DENND6A: variants seen among roughly 807,000 people sequenced by gnomAD.
DENND6A encodes the protein protein DENND6A.
In DENND6A, 43 loss-of-function variants were observed where a neutral mutation model predicts 95.5. The ratio of observed to expected loss-of-function variants is 0.45; its 90% CI spans 0.35 to 0.58. DENND6A has a LOEUF of 0.58. Among genes scored for constraint, DENND6A ranks in the 20% least tolerant of loss-of-function variants. DENND6A has a pLI of 0.00. For missense variants in DENND6A, 574 were observed against 736.0 expected (o/e 0.78, Z 2.55); for synonymous variants, 257 against 260.4 (o/e 0.99, Z 0.13).
intron 1 of DENND6A, among the ~76,000 whole-genome samples, chr3:57,673,602 A>G (rs1243831206): frequency 1.3e-5 from 2 of 152,246 alleles, no homozygotes; most frequent in Admixed American, 1.3e-4. Context: ...AACACAAAGA[A>G]ATGATAAATG....
At position 57,661,561 on chromosome 3, in the gene DENND6A, AAAC is replaced by A. The variant is rs1400210284; in HGVS notation, c.514-13_514-11del. On this transcript the variant is annotated splice_polypyrimidine_tract_variant and intron_variant, in intron 5 of 19. Coordinates refer to ENST00000311128, the MANE Select transcript of DENND6A (RefSeq NM_152678.3). ...TGATCAAAACCAAGGACTGAGGAAAAAACAAAAACAATGTTTTAAAAATTGCTT... is the reference window on the plus strand; with the variant it reads ...TGATCAAAACCAAGGACTGAGGAAAAAAAAACAATGTTTTAAAAATTGCTT... 6.4e-7 allele frequency: 1 copy of A among 1,561,356 alleles called. No individual in the cohort carries two copies. The highest frequency in any genetic ancestry group is 8.6e-7 in the Non-Finnish European group (1 of 1,162,654).
intron 5 of DENND6A, among the ~76,000 whole-genome samples, chr3:57,663,347 C>A (rs1380152327): frequency 6.7e-6 from 1 of 149,112 alleles, no homozygotes; most frequent in Non-Finnish European, 1.5e-5. Context: ...CACCTGTAAT[C>A]CCAGCTACTT....
chr3:57,634,500 C>T, intron 14 of DENND6A, 58 bp downstream of exon 14: 1 of 926,740 alleles, frequency 1.1e-6, no homozygotes, highest in Non-Finnish European at 1.5e-6. Context: ...TATTGCGTAA[C>T]TGGATATTAC....
In DENND6A at chr3:57,645,656, C is replaced by T. The variant is rs975844612; in HGVS notation, c.1037+5G>A. 1.2e-6 allele frequency: 2 copies of T among 1,601,052 alleles called. No homozygotes were observed. The highest frequency in any genetic ancestry group is 2.7e-5 in the African/African-American group (2 of 74,414). ...ACCTGGTCAATAGAAGTTATTTTTA[C>T]TTACGGAGCTTGGGTACGGGTAGTA... On this transcript the variant is annotated splice_donor_5th_base_variant and intron_variant, in intron 11 of 19. Transcript: ENST00000311128.
At chr3:57,640,808 T>C (rs2070913848) in intron 12 of DENND6A, among the ~76,000 whole-genome samples, 1 of 152,260 alleles carries the variant, frequency 6.6e-6, no homozygotes, top group South Asian at 2.1e-4. Flanking sequence ...AAAAATTTTC[T>C]CATATCTTCT....
At chr3:57,673,192 C>T (rs1309305414) in intron 1 of DENND6A, among the ~76,000 whole-genome samples, 4 of 104,088 alleles carry the variant, frequency 3.8e-5, no homozygotes, top group East Asian at 6.8e-4. Flanking sequence ...CCAGCCTGGG[C>T]GACAGAATGA....
At chr3:57,689,314 G>GAAA (rs56077522) in intron 1 of DENND6A, among the ~76,000 whole-genome samples, 10 of 128,756 alleles carry the variant, frequency 7.8e-5, no homozygotes, top group African/African-American at 2.9e-4. Context: ...TATTCACTCA[G>GAAA]AAAAAAAAAA....
At chr3:57,631,837 C>G (rs1192118899) in intron 15 of DENND6A, among the ~76,000 whole-genome samples, 1 of 149,228 alleles carries the variant, frequency 6.7e-6, no homozygotes, top group Non-Finnish European at 1.5e-5. Context: ...ATTCTCCTGC[C>G]TCAGCCTCCC....
intron 14 of DENND6A, among the ~76,000 whole-genome samples, chr3:57,633,773 C>T (rs772007455): frequency 6.6e-5 from 10 of 151,830 alleles, no homozygotes; most frequent in African/African-American, 9.7e-5. Context: ...ACCTGTAATC[C>T]CAGCTACTTG....
intron 3 of DENND6A, among the ~76,000 whole-genome samples, chr3:57,668,654 C>T (rs191225771): frequency 1.1e-3 from 168 of 151,992 alleles, no homozygotes; most frequent in Non-Finnish European, 1.8e-3. Context: ...TCTAAGGTGG[C>T]GGAGGGGCGG....
intron 3 of DENND6A, among the ~76,000 whole-genome samples, chr3:57,670,828 GA>G (rs1175184147): frequency 6.6e-6 from 1 of 151,996 alleles, no homozygotes; most frequent in Non-Finnish European, 1.5e-5. Context: ...ATTCCATGCA[GA>G]AAGTCAGTTC....
At chr3:57,640,712 G>C (rs2070911731) in intron 12 of DENND6A, among the ~76,000 whole-genome samples, 2 of 152,126 alleles carry the variant, frequency 1.3e-5, no homozygotes, top group African/African-American at 4.8e-5. Flanking sequence ...AAAATAGTCA[G>C]TAGTCCGCTA....
At position 57,661,466 on chromosome 3, in the gene DENND6A, T is replaced by C; in HGVS notation, c.599A>G (p.Asn200Ser). 6.4e-7 allele frequency: 1 copy of C among 1,573,684 alleles called. No individual in the cohort carries two copies. The highest frequency in any genetic ancestry group is 8.5e-7 in the Non-Finnish European group (1 of 1,170,266). Reference sequence around the variant, plus strand: ...CTTACCTGCTTCCAAATAAGGTTCATTCTTTTCAAAATACTCTGGTGCTAT... The same window carrying C: ...CTTACCTGCTTCCAAATAAGGTTCACTCTTTTCAAAATACTCTGGTGCTAT... ...KQIAPEYFEK[N>S]EPYLEAACND... The change falls in exon 6 of 20, where the codon AAT (asparagine) becomes AGT (serine). Residue 200 changes from asparagine (N) to serine (S), a missense_variant. By Grantham distance (46) the Asn-to-Ser change is conservative. This residue lies in a region of DENND6A where 452 missense variants were observed against 630.9 expected (regional missense o/e 0.72). Coordinates refer to ENST00000311128, the MANE Select transcript of DENND6A (RefSeq NM_152678.3).
chr3:57,657,062 G>A (rs2071340649), intron 9 of DENND6A, among the ~76,000 whole-genome samples: 2 of 152,100 alleles, frequency 1.3e-5, no homozygotes. Context: ...TTTTCAAGCT[G>A]GCCTATACAT....
At position 57,627,049 on chromosome 3, in the gene DENND6A, A is replaced by C. The variant is rs185766652; in HGVS notation, c.*1165T>G. Reference sequence around the variant, plus strand: ...AAATAAGAATAGTTCAGTTTAAAAAAATAGCTGATTATGAGATTTATAATT... The same window carrying C: ...AAATAAGAATAGTTCAGTTTAAAAACATAGCTGATTATGAGATTTATAATT... On this transcript the variant is annotated 3_prime_UTR_variant, in exon 20 of 20. Coordinates refer to ENST00000311128, the MANE Select transcript of DENND6A (RefSeq NM_152678.3). 1.3e-5 allele frequency: 2 copies of C among 152,230 alleles called. No homozygotes were observed. The highest frequency in any genetic ancestry group is 2.4e-5 in the African/African-American group (1 of 41,456). The allele number at this position is 152,230 out of a possible 1,614,324, so 9.4% of individuals were successfully genotyped here.
rs1028502286 is a variant in DENND6A, at chr3:57,661,724, A to C, written c.514-173T>G. On this transcript the variant is annotated intron_variant, in intron 5 of 19. Transcript: ENST00000311128. The stretch of plus-strand genomic sequence containing the variant: ...ATAGCTGCAGAACACAAAAAGTTTA[A>C]CCTTATTGCTACACTTTAAGAGCAT... Among the ~76,000 whole-genome samples, 3 of 152,176 alleles carry C rather than the reference A, an allele frequency of 2.0e-5. No homozygotes were observed. In the East Asian group the frequency reaches 5.8e-4, roughly 29 times the overall value.
At chr3:57,635,179 G>C (rs1260598155) in intron 12 of DENND6A, among the ~76,000 whole-genome samples, 1 of 152,024 alleles carries the variant, frequency 6.6e-6, no homozygotes, top group Non-Finnish European at 1.5e-5. Flanking sequence ...CTATGCAGAT[G>C]TAGTCTTCAA....
chr3:57,659,025 A>G, intron 8 of DENND6A, 93 bp downstream of exon 8: 1 of 1,162,952 alleles, frequency 8.6e-7, no homozygotes. Context: ...AGAAATATGT[A>G]ATAAACTCAA....
chr3:57,638,065 C>T (rs776347463), intron 12 of DENND6A, among the ~76,000 whole-genome samples: 4 of 151,670 alleles, frequency 2.6e-5, no homozygotes, highest in South Asian at 2.1e-4. Flanking sequence ...ACCCAGGAGG[C>T]GAAGGTTGCA....
Sources: allele counts gnomAD v4.1 joint callset (sites outside exome capture counted in the v4.1 genomes callset), GRCh38; gene constraint gnomAD v4.1.1; regional missense constraint gnomAD v4.1.1; transcripts MANE v1.5; gene names NCBI Gene and HGNC (gene_info 2026-07-23, HGNC 2026-07-21).